MACROD2: variants seen among roughly 807,000 people sequenced by gnomAD.
MACROD2 encodes mono-ADP ribosylhydrolase 2.
A neutral mutation model predicts 70.4 loss-of-function variants in MACROD2; 36 were observed. The observed-to-expected ratio is 0.51, with a 90% CI of 0.39 to 0.68. The LOEUF (loss-of-function observed/expected upper bound fraction) is 0.68, where lower values mean the gene tolerates loss of function less well. Ranked by LOEUF, MACROD2 falls within the 30% of genes least tolerant of loss-of-function variation. The probability of loss-of-function intolerance (pLI) is 0.00; values close to 1 mark genes in which losing one functional copy is unlikely to be tolerated. For synonymous variants in MACROD2, 172 were observed against 178.8 expected, an observed-to-expected ratio of 0.96 and a Z score of 0.30; for missense variants, 496 against 538.4, an observed-to-expected ratio of 0.92 and a Z score of 0.78.
At chr20:14,722,874 T>A (rs2071486440) in intron 5 of MACROD2, among the ~76,000 whole-genome samples, 1 of 152,158 alleles carries the variant, frequency 6.6e-6, no homozygotes, top group Non-Finnish European at 1.5e-5. Flanking sequence ...CAAAGATAGA[T>A]AATGTTTATA....
At chr20:14,474,823 CTT>C (rs1299944698) in intron 3 of MACROD2, among the ~76,000 whole-genome samples, 1 of 151,972 alleles carries the variant, frequency 6.6e-6, no homozygotes, top group Non-Finnish European at 1.5e-5. Flanking sequence ...CATGGAAAGT[CTT>C]TTTCCATTTC....
chr20:14,649,449 C>A (rs1399969920), intron 4 of MACROD2, among the ~76,000 whole-genome samples: 1 of 152,146 alleles, frequency 6.6e-6, no homozygotes, highest in Non-Finnish European at 1.5e-5. Context: ...GAACAATCAT[C>A]TGGACTAAGT....
At chr20:14,122,171 A>C (rs1416630607) in intron 3 of MACROD2, among the ~76,000 whole-genome samples, 2 of 152,194 alleles carry the variant, frequency 1.3e-5, no homozygotes, top group African/African-American at 4.8e-5. Context: ...TATATTATGC[A>C]TGCAGCTACT....
chr20:14,948,621 C>G (rs2074451662), intron 5 of MACROD2, among the ~76,000 whole-genome samples: 1 of 152,160 alleles, frequency 6.6e-6, no homozygotes, highest in South Asian at 2.1e-4. Context: ...CCTCTGTCTA[C>G]CAAACCTGTG....
At chr20:14,664,365 A>G (rs1228736059) in intron 4 of MACROD2, among the ~76,000 whole-genome samples, 1 of 152,158 alleles carries the variant, frequency 6.6e-6, no homozygotes, top group African/African-American at 2.4e-5. Context: ...ATGTGAAATA[A>G]TTTCACATGG....
chr20:15,405,239 C>CAA (rs71340224), intron 6 of MACROD2, among the ~76,000 whole-genome samples: 59 of 127,026 alleles, frequency 4.6e-4, no homozygotes, highest in Admixed American at 1.5e-3. Flanking sequence ...TGTGAATATA[C>CAA]AAAAAAAAAA....
chr20:15,142,221 T>C (rs1440568483), intron 5 of MACROD2, among the ~76,000 whole-genome samples: 1 of 152,142 alleles, frequency 6.6e-6, no homozygotes, highest in Non-Finnish European at 1.5e-5. Context: ...AATAAATACA[T>C]GCAAAGTGAA....
At chr20:14,812,246 C>T (rs916452542) in intron 5 of MACROD2, among the ~76,000 whole-genome samples, 2 of 151,960 alleles carry the variant, frequency 1.3e-5, no homozygotes, top group Non-Finnish European at 2.9e-5. Context: ...ACTATGCAGC[C>T]ATAAAAAAGA....
At chr20:16,023,924 G>T (rs903591474) in intron 15 of MACROD2, among the ~76,000 whole-genome samples, 1 of 152,134 alleles carries the variant, frequency 6.6e-6, no homozygotes, top group East Asian at 1.9e-4. Flanking sequence ...AAGCTACATT[G>T]GTGCTTTTGG....
At chr20:14,742,859 C>T (rs575180103) in intron 5 of MACROD2, among the ~76,000 whole-genome samples, 12 of 151,570 alleles carry the variant, frequency 7.9e-5, no homozygotes, top group East Asian at 1.9e-4. Flanking sequence ...CTCCACCTCC[C>T]GGGTTCACGC....
rs775138551 is a variant in MACROD2 at position 14,327,408 on chromosome 20, A to C, written c.272-166071A>C. 7 of 1,613,572 alleles carry C rather than the reference A, an allele frequency of 4.3e-6. No individual in the cohort carries two copies. In the African/African-American group the frequency reaches 8.0e-5, roughly 18 times the overall value. ...TGAAACCCGCATCGCAGCGACACAC[A>C]GATGGACAGGATTTAGCCATAACTG... On this transcript the variant is annotated intron_variant, in intron 3 of 17. Coordinates refer to ENST00000684519, the MANE Select transcript of MACROD2 (RefSeq NM_001351661.2).
intron 6 of MACROD2, among the ~76,000 whole-genome samples, chr20:15,329,793 T>G (rs1050573284): frequency 1.3e-5 from 2 of 152,022 alleles, no homozygotes; most frequent in African/African-American, 4.8e-5. Flanking sequence ...CCCGACCTAC[T>G]GAAACAGAAA....
intron 8 of MACROD2, among the ~76,000 whole-genome samples, chr20:15,606,609 C>T (rs898380530): frequency 6.6e-6 from 1 of 152,150 alleles, no homozygotes; most frequent in African/African-American, 2.4e-5. Context: ...TCTTGCCACC[C>T]CTATCATGAA....
In MACROD2 at chr20:15,237,787, G is replaced by A. The variant is rs542821656; in HGVS notation, c.540+7726G>A. ...TCCCATCTGAGGGAGGAGAAAAGCT[G>A]GACTATTTTTTTTTTTTATCTTTCC... On this transcript the variant is annotated intron_variant, in intron 6 of 17. Coordinates refer to ENST00000684519, the MANE Select transcript of MACROD2 (RefSeq NM_001351661.2). 3.9e-5 allele frequency among the ~76,000 whole-genome samples: 6 copies of A among 152,090 alleles called. No individual in the cohort carries two copies. The South Asian group carries it at 1.0e-3, about 26-fold the overall frequency.
At chr20:15,599,397 A>C (rs1241524551) in intron 8 of MACROD2, among the ~76,000 whole-genome samples, 1 of 152,082 alleles carries the variant, frequency 6.6e-6, no homozygotes, top group Non-Finnish European at 1.5e-5. Flanking sequence ...TCTCAAAAAA[A>C]AAAGTGTTTA....
intron 4 of MACROD2, among the ~76,000 whole-genome samples, chr20:14,552,558 A>G (rs890968274): frequency 4.6e-5 from 7 of 151,874 alleles, no homozygotes; most frequent in African/African-American, 1.7e-4. Context: ...ATATGTTCTG[A>G]AAAAAACAGA....
intron 6 of MACROD2, among the ~76,000 whole-genome samples, chr20:15,350,332 A>C (rs1378447111): frequency 6.6e-6 from 1 of 152,218 alleles, no homozygotes; most frequent in Non-Finnish European, 1.5e-5. Context: ...AAAATTAATA[A>C]TGATTAACTG....
chr20:15,558,587 A>G (rs2048199547), intron 8 of MACROD2, among the ~76,000 whole-genome samples: 1 of 152,172 alleles, frequency 6.6e-6, no homozygotes, highest in South Asian at 2.1e-4. Context: ...GTGGTTTCAT[A>G]TGTTTCATAT....
At chr20:15,828,624 A>G (rs1464237692) in intron 8 of MACROD2, among the ~76,000 whole-genome samples, 1 of 152,216 alleles carries the variant, frequency 6.6e-6, no homozygotes, top group Non-Finnish European at 1.5e-5. Flanking sequence ...GGTGGATTTT[A>G]CTGTCCTATG....
Sources: gnomAD v4.1 joint callset for allele counts (sites outside exome capture counted in the v4.1 genomes callset) on GRCh38, gnomAD v4.1.1 for gene constraint, MANE v1.5 for transcripts, NCBI Gene and HGNC (gene_info 2026-07-23, HGNC 2026-07-21) for gene names.